SLC30A8: variants seen among roughly 807,000 people sequenced by gnomAD.
SLC30A8 encodes proton-coupled zinc antiporter SLC30A8.
A neutral mutation model predicts 36.9 loss-of-function variants in SLC30A8; 27 were observed. The observed-to-expected ratio is 0.73, with a 90% CI of 0.54 to 1.01. The LOEUF (loss-of-function observed/expected upper bound fraction) is 1.01, where lower values mean the gene tolerates loss of function less well. SLC30A8 is among the 50% of genes least tolerant of loss of function. SLC30A8 has a pLI of 0.00. For synonymous variants in SLC30A8, 164 were observed against 172.4 expected (o/e 0.95, Z 0.38); for missense variants, 439 against 452.0 (o/e 0.97, Z 0.26).
intron 2 of SLC30A8, among the ~76,000 whole-genome samples, chr8:117,148,006 T>C: frequency 6.6e-6 from 1 of 152,086 alleles, no homozygotes; most frequent in East Asian, 1.9e-4. Flanking sequence ...GGGAGCTCTT[T>C]ATATATTAGG....
chr8:117,010,149 A>G (rs755628733), intron 1 of SLC30A8, among the ~76,000 whole-genome samples: 22 of 152,220 alleles, frequency 1.4e-4, no homozygotes, highest in Non-Finnish European at 2.5e-4. Context: ...TAATGGGGAT[A>G]GAGTTGGAAC....
intron 2 of SLC30A8, among the ~76,000 whole-genome samples, chr8:117,081,269 G>A (rs114105922): frequency 0.012 from 1,789 of 152,244 alleles, 29 homozygotes; most frequent in African/African-American, 0.041. Context: ...AGACTGGGGC[G>A]CTTAAATAAC....
chr8:117,015,698 G>T (rs1816495819), intron 1 of SLC30A8, among the ~76,000 whole-genome samples: 1 of 152,080 alleles, frequency 6.6e-6, no homozygotes. Context: ...TCTGTCTTAG[G>T]ATCAGTGTTT....
At chr8:117,092,202 C>T (rs1169634882) in intron 2 of SLC30A8, among the ~76,000 whole-genome samples, 3 of 152,120 alleles carry the variant, frequency 2.0e-5, no homozygotes, top group Non-Finnish European at 4.4e-5. Flanking sequence ...AATACAAATA[C>T]GTGACTTACG....
chr8:116,954,035 T>G (rs1047881721), intron 1 of SLC30A8, among the ~76,000 whole-genome samples: 37 of 152,158 alleles, frequency 2.4e-4, no homozygotes, highest in African/African-American at 8.9e-4. Flanking sequence ...TTAGTGAGGA[T>G]GCAGAGAGTA....
At chr8:117,091,031 A>G (rs1372873637) in intron 2 of SLC30A8, among the ~76,000 whole-genome samples, 2 of 152,220 alleles carry the variant, frequency 1.3e-5, no homozygotes, top group African/African-American at 4.8e-5. Flanking sequence ...CTTAGAACAC[A>G]GAAACAGCAA....
chr8:117,132,474 G>A (rs1207352928), upstream of SLC30A8, among the ~76,000 whole-genome samples: 2 of 152,012 alleles, frequency 1.3e-5, no homozygotes, highest in Non-Finnish European at 2.9e-5. Context: ...AGCTTGTGAA[G>A]GAGAGTGGGC....
At chr8:116,986,160 C>T (rs935967916) in intron 1 of SLC30A8, among the ~76,000 whole-genome samples, 9 of 152,176 alleles carry the variant, frequency 5.9e-5, no homozygotes, top group Non-Finnish European at 1.0e-4. Flanking sequence ...CAGAAAAATA[C>T]CCAGTACGTA....
At chr8:117,012,842 C>T (rs1030233218) in intron 1 of SLC30A8, among the ~76,000 whole-genome samples, 6 of 151,538 alleles carry the variant, frequency 4.0e-5, no homozygotes, top group Non-Finnish European at 7.4e-5. Context: ...TAGAGCCAAT[C>T]ATAATGCTTT....
At chr8:116,978,454 G>C (rs1399323293) in intron 1 of SLC30A8, among the ~76,000 whole-genome samples, 1 of 68,568 alleles carries the variant, frequency 1.5e-5, no homozygotes, top group Non-Finnish European at 3.0e-5. Flanking sequence ...GATGCTTGAT[G>C]CTTTATATAG....
intron 2 of SLC30A8, among the ~76,000 whole-genome samples, chr8:117,061,241 T>G (rs1445795915): frequency 6.6e-6 from 1 of 152,210 alleles, no homozygotes; most frequent in Non-Finnish European, 1.5e-5. Context: ...AAACCTAAGA[T>G]CATCTACCTA....
intron 1 of SLC30A8, among the ~76,000 whole-genome samples, chr8:117,038,208 G>C (rs192607485): frequency 1.3e-5 from 2 of 152,266 alleles, no homozygotes; most frequent in Admixed American, 1.3e-4. Context: ...TACATGATAA[G>C]TTAAGCCTCT....
At position 116,952,044 on chromosome 8, in the gene SLC30A8, C is replaced by A. The variant is rs539936410; in HGVS notation, c.-266+925C>A. 9.2e-5 allele frequency among the ~76,000 whole-genome samples: 14 copies of A among 152,198 alleles called. No homozygotes were observed. The East Asian group carries it at 2.7e-3, about 30-fold the overall frequency. On this transcript the variant is annotated intron_variant, in intron 1 of 10. Transcript: ENST00000427715. ...GTACAAGAGAGAAGGCGTTTTGGAG[C>A]ATAGCCAAGAGAAGGTTGGGAGGAG...
chr8:116,995,936 G>A (rs1022628546), intron 1 of SLC30A8, among the ~76,000 whole-genome samples: 2 of 152,162 alleles, frequency 1.3e-5, no homozygotes, highest in African/African-American at 4.8e-5. Context: ...GGCATTTTCT[G>A]TACTGCATGT....
chr8:116,951,538 C>A (rs1813991134), intron 1 of SLC30A8, among the ~76,000 whole-genome samples: 1 of 152,062 alleles, frequency 6.6e-6, no homozygotes, highest in South Asian at 2.1e-4. Context: ...ACTCAAGTTT[C>A]CCCTATGACA....
At chr8:117,021,712 G>C (rs1306358650) in intron 1 of SLC30A8, among the ~76,000 whole-genome samples, 1 of 152,106 alleles carries the variant, frequency 6.6e-6, no homozygotes, top group Non-Finnish European at 1.5e-5. Context: ...GAATCTCAAG[G>C]AAGAACAAAG....
intron 1 of SLC30A8, among the ~76,000 whole-genome samples, chr8:116,999,674 G>A (rs1815941801): frequency 6.6e-6 from 1 of 152,080 alleles, no homozygotes; most frequent in South Asian, 2.1e-4. Flanking sequence ...TTATTTCATT[G>A]ATAAATGAGG....
upstream of SLC30A8, chr8:116,950,840 T>TAC (rs1025810718): frequency 6.6e-6 from 1 of 152,186 alleles, no homozygotes; most frequent in Non-Finnish European, 1.5e-5. Context: ...CCAGGTACCT[T>TAC]ACAGTTTACC....
chr8:117,042,102 C>T (rs959083112), intron 2 of SLC30A8, among the ~76,000 whole-genome samples: 1 of 152,058 alleles, frequency 6.6e-6, no homozygotes, highest in African/African-American at 2.4e-5. Flanking sequence ...TCATTTAGTC[C>T]CCTTTTGACT....
Sources: gnomAD v4.1 joint callset for allele counts (sites outside exome capture counted in the v4.1 genomes callset) on GRCh38, gnomAD v4.1.1 for gene constraint, MANE v1.5 for transcripts, NCBI Gene and HGNC (gene_info 2026-07-23, HGNC 2026-07-21) for gene names.